The following SEC14L1 variants were observed in gnomAD, a reference collection of about 807,000 sequenced individuals.
The protein encoded by SEC14L1 is SEC14 like lipid binding 1.
Under a neutral mutation model 85.3 loss-of-function variants are expected in SEC14L1, and 48 were observed. The observed-to-expected ratio is 0.56, with a 90% CI of 0.45 to 0.72. SEC14L1 has a LOEUF of 0.72. Ranked by LOEUF, SEC14L1 falls within the 30% of genes least tolerant of loss-of-function variation. SEC14L1 has a pLI of 0.00. For synonymous variants in SEC14L1, 391 were observed against 355.5 expected (o/e 1.10, Z -1.12); for missense variants, 682 against 921.4 (o/e 0.74, Z 3.36).
exon 2 of SEC14L1, chr17:77,089,209 C>A: frequency 1.8e-5 from 6 of 338,466 alleles, no homozygotes; most frequent in Non-Finnish European, 2.9e-5. Flanking sequence ...ATGCAGCAAC[C>A]ACTATTTTCT....
intron 14 of SEC14L1, chr17:77,210,830 G>C (rs922084445): frequency 2.6e-5 from 4 of 152,158 alleles, no homozygotes; most frequent in Admixed American, 2.0e-4. Context: ...TGTGAATCGG[G>C]GGCATCTGTA....
intron 3 of SEC14L1, among the ~76,000 whole-genome samples, chr17:77,162,340 C>G (rs1473377890): frequency 1.3e-5 from 2 of 152,058 alleles, no homozygotes; most frequent in Admixed American, 6.6e-5. Context: ...TATGGGCAAC[C>G]CTTCAGTGCA....
intron 3 of SEC14L1, among the ~76,000 whole-genome samples, chr17:77,176,261 G>C (rs377258392): frequency 6.6e-6 from 1 of 151,984 alleles, no homozygotes; most frequent in Non-Finnish European, 1.5e-5. Context: ...TTACACTCCA[G>C]CTTGGGCAAT....
At chr17:77,140,409 T>C (rs1972944005), upstream of SEC14L1, among the ~76,000 whole-genome samples, 1 of 152,100 alleles carries the variant, frequency 6.6e-6, no homozygotes, top group Non-Finnish European at 1.5e-5. Context: ...CTCCTCCCCA[T>C]TACTCGGCGA....
intron 3 of SEC14L1, among the ~76,000 whole-genome samples, chr17:77,117,917 C>T (rs916955201): frequency 2.0e-5 from 3 of 152,002 alleles, no homozygotes; most frequent in African/African-American, 4.8e-5. Context: ...CTGGTGGATC[C>T]CTCACCTCCC....
chr17:77,200,210 C>T (rs897657432), intron 8 of SEC14L1, among the ~76,000 whole-genome samples: 3 of 151,090 alleles, frequency 2.0e-5, no homozygotes, highest in Admixed American at 1.3e-4. Flanking sequence ...CCCTTAGCAA[C>T]TTTTTTTTTA....
intron 3 of SEC14L1, among the ~76,000 whole-genome samples, chr17:77,162,644 C>G (rs55821130): frequency 2.6e-5 from 4 of 151,800 alleles, no homozygotes; most frequent in African/African-American, 7.3e-5. Flanking sequence ...AGCAGCATGA[C>G]CAACATGGAG....
chr17:77,100,414 TTCTC>T (rs202122435), intron 3 of SEC14L1, among the ~76,000 whole-genome samples: 8 of 77,372 alleles, frequency 1.0e-4, no homozygotes, highest in South Asian at 4.6e-4. Flanking sequence ...TTTCTTTTCT[TTCTC>T]TCTCTCTCTC....
chr17:77,181,940 C>A (rs1197486661), intron 3 of SEC14L1, among the ~76,000 whole-genome samples: 1 of 151,656 alleles, frequency 6.6e-6, no homozygotes, highest in East Asian at 1.9e-4. Flanking sequence ...CAAAGTTGGA[C>A]ACATTTTCTT....
In SEC14L1 at chr17:77,216,361, G is replaced by A; in HGVS notation, c.*2338G>A. 5 of 1,401,824 alleles carry A rather than the reference G, an allele frequency of 3.6e-6. No homozygotes were observed. Among genetic ancestry groups the A allele is most frequent in the Non-Finnish European group, 4.6e-6 (5 of 1,076,852 alleles). The allele number at this position is 1,401,824 out of a possible 1,614,324, so 86.8% of individuals were successfully genotyped here. On this transcript the variant is annotated 3_prime_UTR_variant, in exon 17 of 17. Transcript: ENST00000436233. ...GTAGGGTTAGTAGGTAGGGCTAGTA[G>A]GTAGGGCTAGTAGGTAGGGCTAGTA...
At chr17:77,183,303 C>T (rs1201104416) in intron 3 of SEC14L1, among the ~76,000 whole-genome samples, 17 of 152,210 alleles carry the variant, frequency 1.1e-4, no homozygotes, top group Admixed American at 1.1e-3. Flanking sequence ...CACCTGTATG[C>T]ATGTCCGCTA....
chr17:77,157,644 C>T (rs528554349), intron 3 of SEC14L1, among the ~76,000 whole-genome samples: 1 of 152,142 alleles, frequency 6.6e-6, no homozygotes, highest in South Asian at 2.1e-4. Context: ...TCTTCTGCCT[C>T]AGCCTCCTGA....
rs534638715 is a variant in SEC14L1 at position 77,149,180 on chromosome 17, C to G, written c.63+5521C>G. 3.3e-5 allele frequency among the ~76,000 whole-genome samples: 5 copies of G among 152,334 alleles called. No homozygotes were observed. The South Asian group carries it at 1.0e-3, about 32-fold the overall frequency. On this transcript the variant is annotated intron_variant, in intron 3 of 16. Coordinates refer to ENST00000436233, the MANE Select transcript of SEC14L1 (RefSeq NM_001143998.2). ...TGTTGGAGTTGGTGTTAGGTACTTT[C>G]ACTTGCAATGGGAGTTTCTTTATTC...
chr17:77,143,546 A>G, intron 2 of SEC14L1, 21 bp from the exon 3 acceptor site: 1 of 1,449,772 alleles, frequency 6.9e-7, no homozygotes, highest in Non-Finnish European at 9.7e-7. Context: ...GTTACTTATC[A>G]CATATATTTA....
intron 6 of SEC14L1, among the ~76,000 whole-genome samples, chr17:77,193,811 C>T (rs1975661694): frequency 6.6e-6 from 1 of 152,196 alleles, no homozygotes; most frequent in Non-Finnish European, 1.5e-5. Flanking sequence ...TGGGGAGAGG[C>T]AGCAGCAGCT....
Position 77,205,092 on chromosome 17 carries a change from A to AG in SEC14L1, c.1099-183dup, listed in dbSNP as rs1976397927. ...ACAGTGTTTATTCTCTTTCAAAAGT[A>AG]GAATTTATTTGTTGGTGGTGATGTG... On this transcript the variant is annotated intron_variant, in intron 10 of 16. Coordinates refer to ENST00000436233, the MANE Select transcript of SEC14L1 (RefSeq NM_001143998.2). 6 of 574,782 alleles carry AG rather than the reference A, an allele frequency of 1.0e-5. No individual in the cohort carries two copies. In the South Asian group the frequency reaches 1.3e-4, roughly 12 times the overall value. The allele number at this position is 574,782 out of a possible 1,614,324, so 35.6% of individuals were successfully genotyped here.
chr17:77,194,967 GTT>G, intron 7 of SEC14L1, 56 bp downstream of exon 7: 1 of 1,313,736 alleles, frequency 7.6e-7, no homozygotes, highest in Non-Finnish European at 1.1e-6. Context: ...CGGCGTTGCC[GTT>G]TTCTCTCTGT....
In SEC14L1 at chr17:77,089,274, A is replaced by G. The variant is rs146629959; in HGVS notation, c.-240+3A>G. 230 of 419,398 alleles carry G rather than the reference A, an allele frequency of 5.5e-4. 1 individual carries two copies. Among genetic ancestry groups the G allele is most frequent in the African/African-American group, 4.4e-3 (210 of 47,712 alleles). The allele number at this position is 419,398 out of a possible 1,614,324, so 26.0% of individuals were successfully genotyped here. On this transcript the variant is annotated splice_donor_region_variant and intron_variant, in intron 2 of 19. Transcript: ENST00000392476. ...AGTGACCTCAGCAGGGCATCCAGGT[A>G]TGTCAAGCATGGTGACAAAGTGTTC...
chr17:77,194,893 G>T lies in SEC14L1; in HGVS notation c.691G>T (p.Val231Leu). The change falls in exon 7 of 17, where the codon GTG becomes TTG. Residue 231 changes from valine (V) to leucine (L), a missense_variant. This residue lies in a region of SEC14L1 where 123 missense variants were observed against 100.6 expected (regional missense o/e 1.22). Coordinates refer to ENST00000436233, the MANE Select transcript of SEC14L1 (RefSeq NM_001143998.2). ...ALSSPSAPEP[V>L]VGTPDDKLDA... is the part of the protein sequence containing the mutation. ...CAGCAGCCCCAGCGCACCTGAGCCCGTGGTGGGCACCCCTGACGGTGGGTC... is the reference window on the plus strand; with the variant it reads ...CAGCAGCCCCAGCGCACCTGAGCCCTTGGTGGGCACCCCTGACGGTGGGTC... 6.2e-7 allele frequency: 1 copy of T among 1,613,956 alleles called. No homozygotes were observed. The highest frequency in any genetic ancestry group is 8.5e-7 in the Non-Finnish European group (1 of 1,179,820).
Sources: gnomAD v4.1 joint callset for allele counts (sites outside exome capture counted in the v4.1 genomes callset) on GRCh38, gnomAD v4.1.1 for gene constraint, gnomAD v4.1.1 regional missense constraint, MANE v1.5 for transcripts, NCBI Gene and HGNC (gene_info 2026-07-23, HGNC 2026-07-21) for gene names.